PLEKHA2: variants seen among roughly 807,000 people sequenced by gnomAD.
PLEKHA2 encodes the protein pleckstrin homology domain containing A2.
Under a neutral mutation model 53.2 loss-of-function variants are expected in PLEKHA2, and 28 were observed. The ratio of observed to expected loss-of-function variants is 0.53; its 90% confidence interval spans 0.39 to 0.72. PLEKHA2 has a LOEUF of 0.72. Among genes scored for constraint, PLEKHA2 ranks in the 30% least tolerant of loss-of-function variants. The pLI, the probability that PLEKHA2 is intolerant of heterozygous loss-of-function variation, is 0.00. For synonymous variants in PLEKHA2, 193 were observed against 196.4 expected, an observed-to-expected ratio of 0.98 and a Z score of 0.14; for missense variants, 426 against 537.9, an observed-to-expected ratio of 0.79 and a Z score of 2.06.
At chr8:38,963,548 T>G (rs185945968) in intron 10 of PLEKHA2, among the ~76,000 whole-genome samples, 50 of 152,336 alleles carry the variant, frequency 3.3e-4, no homozygotes, top group African/African-American at 1.1e-3. Flanking sequence ...TGAGTTTTTG[T>G]TTCTCATGAA....
chr8:38,955,983 G>T (rs1430876495), intron 9 of PLEKHA2, among the ~76,000 whole-genome samples: 3 of 152,054 alleles, frequency 2.0e-5, no homozygotes, highest in African/African-American at 7.3e-5. Flanking sequence ...ACTCAGTTTT[G>T]TATTTTTTTT....
At chr8:38,901,694 G>A (rs1350081769) in intron 1 of PLEKHA2, 1 of 152,286 alleles carries the variant, frequency 6.6e-6, no homozygotes, top group African/African-American at 2.4e-5. Context: ...CAAGTGCCCC[G>A]GGTGGCCAAG....
At chr8:38,924,999 C>T (rs1161525935) in intron 2 of PLEKHA2, among the ~76,000 whole-genome samples, 1 of 152,170 alleles carries the variant, frequency 6.6e-6, no homozygotes, top group Non-Finnish European at 1.5e-5. Flanking sequence ...AATATACTGA[C>T]AATATCAAGC....
intron 10 of PLEKHA2, among the ~76,000 whole-genome samples, chr8:38,962,828 G>A (rs1835063322): frequency 3.9e-5 from 6 of 152,224 alleles, no homozygotes; most frequent in Admixed American, 3.9e-4. Context: ...GTTGCAGAGT[G>A]TTGCATTAGA....
intron 1 of PLEKHA2, among the ~76,000 whole-genome samples, chr8:38,902,548 C>T (rs1833807201): frequency 6.6e-6 from 1 of 152,186 alleles, no homozygotes; most frequent in East Asian, 1.9e-4. Flanking sequence ...TCTGGGGGCT[C>T]TGAAGGCTGA....
At chr8:38,936,660 CTT>C (rs1282107514) in intron 3 of PLEKHA2, among the ~76,000 whole-genome samples, 1 of 152,242 alleles carries the variant, frequency 6.6e-6, no homozygotes, top group African/African-American at 2.4e-5. Context: ...CAGGCCCTCT[CTT>C]GTGCTGAGAG....
intron 5 of PLEKHA2, among the ~76,000 whole-genome samples, chr8:38,950,048 A>G (rs564748079): frequency 3.0e-4 from 45 of 151,062 alleles, no homozygotes; most frequent in Non-Finnish European, 5.2e-4. Context: ...TTAGTTTTTT[A>G]TTTTGTATTT....
intron 3 of PLEKHA2, among the ~76,000 whole-genome samples, chr8:38,942,626 G>A (rs905176841): frequency 2.0e-5 from 3 of 152,204 alleles, no homozygotes; most frequent in Non-Finnish European, 4.4e-5. Flanking sequence ...GAAGGTGACT[G>A]TCTCTTTAGA....
At chr8:38,960,081 A>G (rs1835014930) in intron 10 of PLEKHA2, among the ~76,000 whole-genome samples, 4 of 152,208 alleles carry the variant, frequency 2.6e-5, no homozygotes, top group Admixed American at 2.6e-4. Context: ...AAACCCAACC[A>G]AAAAATGTTC....
At chr8:38,946,331 G>A in intron 5 of PLEKHA2, 110 bp downstream of exon 5, 1 of 909,506 alleles carries the variant, frequency 1.1e-6, no homozygotes, top group Admixed American at 2.1e-5. Context: ...TTTCCCAGGA[G>A]CCTGGTCTGT....
In PLEKHA2 at chr8:38,909,950, A is replaced by T. The variant is rs572576153; in HGVS notation, c.-23-7957A>T. On this transcript the variant is annotated intron_variant, in intron 1 of 11. Coordinates refer to ENST00000617275, the MANE Select transcript of PLEKHA2 (RefSeq NM_021623.2). ...CTTCCCACTTTTTGTTTTTCTTTTCATTAAAATACTTTTTTTTTTTTTTTG... is the reference window on the plus strand; with the variant it reads ...CTTCCCACTTTTTGTTTTTCTTTTCTTTAAAATACTTTTTTTTTTTTTTTG... 2.0e-5 allele frequency among the ~76,000 whole-genome samples: 3 copies of T among 148,608 alleles called. No homozygotes were observed. The East Asian group carries it at 6.0e-4, about 30-fold the overall frequency.
chr8:38,905,577 G>T (rs1588229955), intron 1 of PLEKHA2, among the ~76,000 whole-genome samples: 1 of 152,078 alleles, frequency 6.6e-6, no homozygotes, highest in Admixed American at 6.5e-5. Context: ...TGTCTTTAGA[G>T]GAACAGAGCT....
chr8:38,972,939 T>G lies in PLEKHA2; in HGVS notation c.*3156T>G, dbSNP rs1158423076. The stretch of plus-strand genomic sequence containing the variant: ...GGCTGAATAATGCCATCCATTATTC[T>G]TTAATTTTTATTTTTAGAAACAGTG... On this transcript the variant is annotated 3_prime_UTR_variant, in exon 12 of 12. Transcript: ENST00000617275. 6.6e-6 allele frequency: 1 copy of G among 152,180 alleles called. No individual in the cohort carries two copies. The highest frequency in any genetic ancestry group is 1.9e-4 in the East Asian group (1 of 5,204). The allele number at this position is 152,180 out of a possible 1,614,324, so 9.4% of individuals were successfully genotyped here.
chr8:38,942,171 G>A (rs1367130724), intron 3 of PLEKHA2, among the ~76,000 whole-genome samples: 1 of 152,154 alleles, frequency 6.6e-6, no homozygotes, highest in Non-Finnish European at 1.5e-5. Flanking sequence ...TGAGGCTGAG[G>A]CAGGAGGATC....
intron 1 of PLEKHA2, among the ~76,000 whole-genome samples, chr8:38,907,164 T>C (rs1478090642): frequency 6.6e-6 from 1 of 152,158 alleles, no homozygotes; most frequent in East Asian, 1.9e-4. Flanking sequence ...TGGAGCAAAA[T>C]CCCAGAAATT....
At chr8:38,946,341 T>G (rs1834714620) in intron 5 of PLEKHA2, 120 bp downstream of exon 5, 1 of 772,556 alleles carries the variant, frequency 1.3e-6, no homozygotes, top group Middle Eastern at 2.4e-4. Context: ...GCCTGGTCTG[T>G]ACCCAGTTCT....
chr8:38,965,319 G>GGTGGCCT (rs1034680791), intron 10 of PLEKHA2, among the ~76,000 whole-genome samples: 6 of 152,202 alleles, frequency 3.9e-5, no homozygotes, highest in African/African-American at 7.2e-5. Context: ...CAGTCAGGCA[G>GGTGGCCT]GTGGCCTGTG....
At chr8:38,928,236 C>CTTTTTTTTTT (rs11414317) in intron 2 of PLEKHA2, among the ~76,000 whole-genome samples, 6 of 110,130 alleles carry the variant, frequency 5.4e-5, no homozygotes, top group Non-Finnish European at 8.8e-5. Flanking sequence ...CTGACCTGGT[C>CTTTTTTTTTT]TTTTTTTTTT....
At chr8:38,932,218 A>G (rs1038836546) in intron 2 of PLEKHA2, among the ~76,000 whole-genome samples, 4 of 151,598 alleles carry the variant, frequency 2.6e-5, no homozygotes, top group Admixed American at 1.3e-4. Flanking sequence ...CTGGTCTTGA[A>G]CCCCTGGCCT....
Sources: gnomAD v4.1 joint callset for allele counts (sites outside exome capture counted in the v4.1 genomes callset) on GRCh38, gnomAD v4.1.1 for gene constraint, MANE v1.5 for transcripts, NCBI Gene and HGNC (gene_info 2026-07-23, HGNC 2026-07-21) for gene names.